ALG9: variants seen among roughly 807,000 people sequenced by gnomAD.
The protein encoded by ALG9 is alpha-1,2-mannosyltransferase ALG9.
ALG9 carries 55 observed loss-of-function variants against 81.8 expected under a neutral mutation model. The observed-to-expected ratio is 0.67, with a 90% CI of 0.54 to 0.84. The LOEUF is 0.84. Among genes scored for constraint, ALG9 ranks in the 40% least tolerant of loss-of-function variants. The pLI, the probability that ALG9 is intolerant of heterozygous loss-of-function variation, is 0.00. For missense variants in ALG9, 629 were observed against 745.0 expected (o/e 0.84, Z 1.81); for synonymous variants, 278 against 274.3 (o/e 1.01, Z -0.13).
At chr11:111,812,038 T>A (rs1950794995) in intron 13 of ALG9, among the ~76,000 whole-genome samples, 2 of 152,230 alleles carry the variant, frequency 1.3e-5, no homozygotes, top group Non-Finnish European at 2.9e-5. Flanking sequence ...AAATGGTGAA[T>A]TTTATTTCAA....
At position 111,786,368 on chromosome 11, in the gene ALG9, G is replaced by T; in HGVS notation, c.*29C>A. 6.2e-7 allele frequency: 1 copy of T among 1,613,390 alleles called. No individual in the cohort carries two copies. Among genetic ancestry groups the T allele is most frequent in the Non-Finnish European group, 8.5e-7 (1 of 1,179,578 alleles). ...CACTGGAATCAATAGTTAACAAGAT[G>T]GTTGTCCTTTGGGGCCACAGGTGTG... On this transcript the variant is annotated 3_prime_UTR_variant, in exon 15 of 15. Coordinates refer to ENST00000616540, the MANE Select transcript of ALG9 (RefSeq NM_024740.2).
Position 111,836,150 on chromosome 11 carries a change from G to A in ALG9, c.1602+15C>T. 6.2e-7 allele frequency: 1 copy of A among 1,613,680 alleles called. No homozygotes were observed. The highest frequency in any genetic ancestry group is 8.5e-7 in the Non-Finnish European group (1 of 1,179,688). On this transcript the variant is annotated intron_variant, in intron 13 of 14. Transcript: ENST00000616540. ...AATTCTTTTCAGAGAAGCAAGAAGA[G>A]AATGTAGCCCTTACATATCTGGATG...
intron 6 of ALG9, 104 bp downstream of exon 6, chr11:111,857,498 A>C: frequency 6.7e-7 from 1 of 1,484,652 alleles, no homozygotes; most frequent in Non-Finnish European, 9.4e-7. Context: ...TTGAAAGCCC[A>C]ATTGATTAAC....
intron 13 of ALG9, among the ~76,000 whole-genome samples, chr11:111,832,061 G>A (rs1046609893): frequency 1.3e-5 from 2 of 152,122 alleles, no homozygotes; most frequent in East Asian, 3.9e-4. Context: ...TCAGTTCACT[G>A]TGTTATAAGC....
chr11:111,773,197 T>G, the ALG9 span, among the ~76,000 whole-genome samples: 1 of 152,130 alleles, frequency 6.6e-6, no homozygotes, highest in Non-Finnish European at 1.5e-5. Context: ...GCCCCAGTTC[T>G]CTAAGAACAG....
chr11:111,835,628 C>T (rs1555116728), intron 13 of ALG9, among the ~76,000 whole-genome samples: 1 of 152,164 alleles, frequency 6.6e-6, no homozygotes, highest in Admixed American at 6.6e-5. Flanking sequence ...AACTTTCAGC[C>T]TACCCAAAAC....
At chr11:111,793,567 C>T (rs1947772695) in intron 14 of ALG9, among the ~76,000 whole-genome samples, 2 of 152,220 alleles carry the variant, frequency 1.3e-5, no homozygotes, top group South Asian at 4.2e-4. Context: ...CAAGACCATC[C>T]TGGCTAACAT....
chr11:111,791,017 C>T (rs1947317223), intron 14 of ALG9, among the ~76,000 whole-genome samples: 1 of 152,124 alleles, frequency 6.6e-6, no homozygotes, highest in Non-Finnish European at 1.5e-5. Flanking sequence ...CTTGGTTTTC[C>T]ATTTGCTATG....
At chr11:111,838,892 A>G (rs1555120600) in intron 10 of ALG9, among the ~76,000 whole-genome samples, 13 of 152,206 alleles carry the variant, frequency 8.5e-5, no homozygotes. Flanking sequence ...AACTAGATGA[A>G]TATAATATAA....
intron 4 of ALG9, among the ~76,000 whole-genome samples, chr11:111,862,882 G>A (rs369351608): frequency 4.6e-5 from 7 of 151,842 alleles, no homozygotes; most frequent in Admixed American, 3.9e-4. Context: ...TCAGGTGAAC[G>A]TTCTGTTGAC....
intron 6 of ALG9, among the ~76,000 whole-genome samples, chr11:111,856,383 T>C (rs1958688256): frequency 6.6e-6 from 1 of 150,994 alleles, no homozygotes; most frequent in Non-Finnish European, 1.5e-5. Context: ...AAGTAAATCA[T>C]GGAATGTTAT....
intron 13 of ALG9, among the ~76,000 whole-genome samples, chr11:111,813,103 T>A (rs1184702943): frequency 6.6e-6 from 1 of 151,748 alleles, no homozygotes; most frequent in East Asian, 1.9e-4. Context: ...AGGGGAAAAA[T>A]GAAATTGAAC....
intron 14 of ALG9, among the ~76,000 whole-genome samples, chr11:111,804,864 G>A (rs1447519350): frequency 6.6e-5 from 10 of 152,214 alleles, no homozygotes; most frequent in East Asian, 5.8e-4. Flanking sequence ...TGGTACGAAC[G>A]CAAAATGATA....
intron 3 of ALG9, among the ~76,000 whole-genome samples, chr11:111,867,508 A>G (rs541935594): frequency 1.1e-4 from 16 of 152,368 alleles, no homozygotes; most frequent in African/African-American, 3.8e-4. Context: ...TAGAAGATAT[A>G]AAGAAAAACT....
At chr11:111,855,394 G>A (rs1555142398) in intron 6 of ALG9, among the ~76,000 whole-genome samples, 1 of 152,230 alleles carries the variant, frequency 6.6e-6, no homozygotes, top group Admixed American at 6.5e-5. Flanking sequence ...TATAACTCTA[G>A]TGGAGTTTGG....
intron 14 of ALG9, among the ~76,000 whole-genome samples, chr11:111,805,568 T>C (rs1409785267): frequency 6.6e-6 from 1 of 152,244 alleles, no homozygotes; most frequent in Non-Finnish European, 1.5e-5. Flanking sequence ...AAAGCCTATA[T>C]GCTGTATGAT....
Position 111,813,644 on chromosome 11 carries a change from T to C in ALG9, c.1603-3871A>G, listed in dbSNP as rs77865257. Among the ~76,000 whole-genome samples the C allele has an allele frequency of 8.2e-3, 1,243 of 152,214 alleles. 6 individuals are homozygous for C. The highest frequency in any genetic ancestry group is 0.051 in the Middle Eastern group (15 of 294). On this transcript the variant is annotated intron_variant, in intron 13 of 14. Coordinates refer to ENST00000616540, the MANE Select transcript of ALG9 (RefSeq NM_024740.2). ...ATTCATATCTAGAATATATATAACT[T>C]CTGCTAATCAACAAGACAAAGACAA...
At chr11:111,779,373 G>A (rs532993700), downstream of ALG9, among the ~76,000 whole-genome samples, 2 of 152,220 alleles carry the variant, frequency 1.3e-5, no homozygotes, top group East Asian at 3.9e-4. Context: ...TGTAAGGCGA[G>A]TATGCCTGAA....
intron 4 of ALG9, among the ~76,000 whole-genome samples, 184 bp downstream of exon 4, chr11:111,864,997 A>T (rs1309869580): frequency 2.0e-5 from 3 of 152,098 alleles, no homozygotes; most frequent in Admixed American, 6.5e-5. Flanking sequence ...GGCTGGTCTC[A>T]AACTCTCTAC....
Sources: allele counts gnomAD v4.1 joint callset (sites outside exome capture counted in the v4.1 genomes callset), GRCh38; gene constraint gnomAD v4.1.1; transcripts MANE v1.5; gene names NCBI Gene and HGNC (gene_info 2026-07-23, HGNC 2026-07-21).